UBE2L3: variants seen among roughly 807,000 people sequenced by gnomAD.
The protein encoded by UBE2L3 is ubiquitin conjugating enzyme E2 L3.
UBE2L3 carries 1 observed loss-of-function variant against 17.8 expected under a neutral mutation model. The ratio of observed to expected loss-of-function variants is 0.06; its 90% CI spans 0.02 to 0.27. The LOEUF (loss-of-function observed/expected upper bound fraction) is 0.27, where lower values mean the gene tolerates loss of function less well. Among genes scored for constraint, UBE2L3 ranks in the 10% least tolerant of loss-of-function variants. The pLI, the probability that UBE2L3 is intolerant of heterozygous loss-of-function variation, is 1.00. For synonymous variants in UBE2L3, 44 were observed against 68.5 expected (o/e 0.64, Z 1.76); for missense variants, 40 against 192.6 (o/e 0.21, Z 4.69).
chr22:21,582,669 G>A (rs1319099680), intron 1 of UBE2L3, among the ~76,000 whole-genome samples: 2 of 152,140 alleles, frequency 1.3e-5, no homozygotes, highest in Non-Finnish European at 2.9e-5. Context: ...GGGATTACAG[G>A]CGCTTGCCAC....
intron 1 of UBE2L3, among the ~76,000 whole-genome samples, chr22:21,557,105 C>T (rs1182243528): frequency 6.6e-6 from 1 of 152,262 alleles, no homozygotes; most frequent in Non-Finnish European, 1.5e-5. Flanking sequence ...CGGCTCATGC[C>T]TGTAATTCCA....
intron 2 of UBE2L3, among the ~76,000 whole-genome samples, chr22:21,596,013 G>T (rs1342113336): frequency 1.3e-5 from 2 of 150,720 alleles, no homozygotes; most frequent in South Asian, 4.2e-4. Context: ...CTACAGGTGC[G>T]CACCACCACA....
At chr22:21,567,646 C>T (rs1352414245), upstream of UBE2L3, 17 of 1,546,122 alleles carry the variant, frequency 1.1e-5, no homozygotes, top group Middle Eastern at 2.2e-4. Flanking sequence ...GCTCCTGTGC[C>T]CCGCCCCGCG....
intron 1 of UBE2L3, among the ~76,000 whole-genome samples, chr22:21,577,497 C>G (rs1250679716): frequency 1.3e-5 from 2 of 152,236 alleles, no homozygotes; most frequent in African/African-American, 4.8e-5. Flanking sequence ...TGCACACATA[C>G]TCTAGAATTC....
chr22:21,582,074 C>T (rs5998568), intron 1 of UBE2L3, among the ~76,000 whole-genome samples: 6 of 150,444 alleles, frequency 4.0e-5, no homozygotes, highest in East Asian at 3.9e-4. Context: ...GAGCCAAGAT[C>T]GCACCACTGC....
At chr22:21,558,586 G>A (rs1213278925) in intron 1 of UBE2L3, among the ~76,000 whole-genome samples, 1 of 139,642 alleles carries the variant, frequency 7.2e-6, no homozygotes, top group Non-Finnish European at 1.5e-5. Flanking sequence ...AGCCAAGATA[G>A]CACCACTGCA....
chr22:21,557,489 G>A (rs1926276449), intron 1 of UBE2L3, among the ~76,000 whole-genome samples: 1 of 152,214 alleles, frequency 6.6e-6, no homozygotes, highest in Non-Finnish European at 1.5e-5. Context: ...CGGATGGGGA[G>A]AGACAGTGCC....
At chr22:21,577,049 A>G (rs2148406647) in intron 1 of UBE2L3, among the ~76,000 whole-genome samples, 1 of 151,306 alleles carries the variant, frequency 6.6e-6, no homozygotes, top group South Asian at 2.1e-4. Context: ...GCTCACTGAA[A>G]GCTCCGCCTC....
At chr22:21,583,674 T>C in intron 1 of UBE2L3, among the ~76,000 whole-genome samples, 1 of 152,140 alleles carries the variant, frequency 6.6e-6, no homozygotes, top group East Asian at 1.9e-4. Flanking sequence ...GGCAGCCCTG[T>C]CTGCCCCACC....
chr22:21,591,076 G>A (rs1011320523), intron 1 of UBE2L3, among the ~76,000 whole-genome samples: 17 of 152,182 alleles, frequency 1.1e-4, no homozygotes, highest in Admixed American at 6.5e-5. Context: ...TATGAGTCTT[G>A]TGAGCAGGAG....
chr22:21,568,118 C>T, intron 1 of UBE2L3: 1 of 1,070,280 alleles, frequency 9.3e-7, no homozygotes, highest in Non-Finnish European at 1.1e-6. Flanking sequence ...AGGCTCCAAA[C>T]CGGGCGCCTT....
chr22:21,595,870 G>A (rs1044467474), intron 2 of UBE2L3, among the ~76,000 whole-genome samples: 1 of 151,832 alleles, frequency 6.6e-6, no homozygotes, highest in Non-Finnish European at 1.5e-5. Flanking sequence ...TTTTCATGCA[G>A]TTTCTTTTTT....
intron 2 of UBE2L3, among the ~76,000 whole-genome samples, chr22:21,607,137 C>G (rs555245526): frequency 2.6e-5 from 4 of 152,268 alleles, no homozygotes; most frequent in Admixed American, 2.0e-4. Flanking sequence ...TGCTCCCCAG[C>G]AGAGGAGCTC....
intron 3 of UBE2L3, among the ~76,000 whole-genome samples, chr22:21,612,435 C>T (rs888846242): frequency 5.3e-5 from 8 of 151,986 alleles, no homozygotes; most frequent in Non-Finnish European, 1.2e-4. Context: ...GCGCCATTCT[C>T]CTGCCTCAGC....
intron 2 of UBE2L3, among the ~76,000 whole-genome samples, chr22:21,598,985 A>G (rs1005917969): frequency 4.0e-5 from 6 of 151,894 alleles, no homozygotes; most frequent in African/African-American, 9.7e-5. Context: ...GGCTACAGGC[A>G]TACACCACCA....
chr22:21,601,708 A>C (rs1928868994), intron 2 of UBE2L3, among the ~76,000 whole-genome samples: 1 of 149,864 alleles, frequency 6.7e-6, no homozygotes, highest in Non-Finnish European at 1.5e-5. Context: ...TGGCTCACTC[A>C]CGCCTGTAAT....
At chr22:21,577,995 T>C (rs1927406649) in intron 1 of UBE2L3, among the ~76,000 whole-genome samples, 1 of 151,632 alleles carries the variant, frequency 6.6e-6, no homozygotes, top group African/African-American at 2.4e-5. Context: ...AACTCAGAGG[T>C]TGAATAGCCT....
At chr22:21,607,085 C>T (rs1239382143) in intron 2 of UBE2L3, among the ~76,000 whole-genome samples, 1 of 152,284 alleles carries the variant, frequency 6.6e-6, no homozygotes, top group East Asian at 1.9e-4. Flanking sequence ...CAGGGCAGGG[C>T]TTGGATGTAG....
At chr22:21,555,751 G>A (rs1408652743) in intron 1 of UBE2L3, among the ~76,000 whole-genome samples, 10 of 152,160 alleles carry the variant, frequency 6.6e-5, no homozygotes, top group African/African-American at 2.4e-4. Context: ...GGCCAACATG[G>A]TGAAACCCTG....
Sources: allele counts gnomAD v4.1 joint callset (sites outside exome capture counted in the v4.1 genomes callset), GRCh38; gene constraint gnomAD v4.1.1; transcripts MANE v1.5; gene names NCBI Gene and HGNC (gene_info 2026-07-23, HGNC 2026-07-21).